Variants in IL1RAPL1 observed in about 807,000 individuals in gnomAD.
IL1RAPL1 encodes interleukin-1 receptor accessory protein-like 1.
A neutral mutation model predicts 48.4 loss-of-function variants in IL1RAPL1; 3 were observed. That is an observed-to-expected ratio of 0.06 (90% CI 0.03 to 0.16). The LOEUF (loss-of-function observed/expected upper bound fraction) is 0.16. Ranked by LOEUF, IL1RAPL1 falls within the 10% of genes least tolerant of loss-of-function variation. IL1RAPL1 has a pLI of 1.00. For missense variants in IL1RAPL1, 349 were observed against 530.6 expected, an observed-to-expected ratio of 0.66 and a Z score of 3.36; for synonymous variants, 185 against 187.7, an observed-to-expected ratio of 0.99 and a Z score of 0.12.
chrX:29,461,234 A>G (rs1245292717), intron 5 of IL1RAPL1, among the ~76,000 whole-genome samples: 7 of 111,803 alleles, frequency 6.3e-5, no homozygotes, highest in Non-Finnish European at 1.3e-4. Context: ...TAGAAATACC[A>G]CATTGCACCC....
At chrX:29,363,663 G>A in intron 3 of IL1RAPL1, among the ~76,000 whole-genome samples, 1 of 111,333 alleles carries the variant, frequency 9.0e-6, no homozygotes, top group South Asian at 3.9e-4. Context: ...TGCATCTCGG[G>A]AGGCCTCAGG....
At chrX:28,880,095 T>C (rs1304879476) in intron 2 of IL1RAPL1, among the ~76,000 whole-genome samples, 1 of 112,582 alleles carries the variant, frequency 8.9e-6, no homozygotes, top group Non-Finnish European at 1.9e-5. Flanking sequence ...AATTATTCAA[T>C]TCATATATGA....
chrX:29,833,272 T>C (rs1328745337), intron 6 of IL1RAPL1, among the ~76,000 whole-genome samples: 1 of 111,929 alleles, frequency 8.9e-6, no homozygotes, highest in Non-Finnish European at 1.9e-5. Context: ...AGATGATAGA[T>C]GGGTAGATAG....
At chrX:29,213,123 C>G (rs1458756347) in intron 2 of IL1RAPL1, among the ~76,000 whole-genome samples, 4 of 111,561 alleles carry the variant, frequency 3.6e-5, no homozygotes, top group Non-Finnish European at 7.5e-5. Context: ...CTCAGCCTCC[C>G]GAGTAGCTGG....
At chrX:29,822,686 G>A (rs144575039) in intron 6 of IL1RAPL1, among the ~76,000 whole-genome samples, 2 of 111,562 alleles carry the variant, frequency 1.8e-5, no homozygotes, top group African/African-American at 6.5e-5. Flanking sequence ...ACAGTGAGAA[G>A]GCAAGGATTG....
intron 5 of IL1RAPL1, among the ~76,000 whole-genome samples, chrX:29,603,060 G>A (rs1372087603): frequency 9.0e-6 from 1 of 111,371 alleles, no homozygotes; most frequent in East Asian, 2.8e-4. Flanking sequence ...GAGGTCAGGA[G>A]TTCGAGACCA....
chrX:29,767,678 G>A (rs1041595658), intron 6 of IL1RAPL1, among the ~76,000 whole-genome samples: 3 of 111,854 alleles, frequency 2.7e-5, no homozygotes, highest in African/African-American at 9.7e-5. Context: ...GTTGATGTTA[G>A]AAATAATCAT....
intron 3 of IL1RAPL1, among the ~76,000 whole-genome samples, chrX:29,371,331 A>G (rs1210924535): frequency 9.1e-6 from 1 of 109,810 alleles, no homozygotes; most frequent in East Asian, 2.9e-4. Flanking sequence ...GGGATTTCAC[A>G]ATGATGGCCA....
At chrX:29,468,700 G>T (rs1257293324) in intron 5 of IL1RAPL1, among the ~76,000 whole-genome samples, 1 of 111,907 alleles carries the variant, frequency 8.9e-6, no homozygotes, top group Non-Finnish European at 1.9e-5. Context: ...AAAAAATCAA[G>T]ATTAATAATA....
chrX:29,850,153 A>G (rs1272786282), intron 6 of IL1RAPL1, among the ~76,000 whole-genome samples: 2 of 112,300 alleles, frequency 1.8e-5, no homozygotes, highest in Non-Finnish European at 3.8e-5. Flanking sequence ...TTCTTCAAAT[A>G]AGGTCATCAC....
intron 6 of IL1RAPL1, among the ~76,000 whole-genome samples, chrX:29,834,830 T>C (rs1014336452): frequency 8.9e-6 from 1 of 112,089 alleles, no homozygotes; most frequent in Admixed American, 9.5e-5. Context: ...CTTTTCATTT[T>C]ATATGCTGGG....
At chrX:28,931,707 C>T (rs1923884365) in intron 2 of IL1RAPL1, among the ~76,000 whole-genome samples, 1 of 111,147 alleles carries the variant, frequency 9.0e-6, no homozygotes, top group Non-Finnish European at 1.9e-5. Flanking sequence ...AAATAATAGC[C>T]ATGCAAACTT....
intron 2 of IL1RAPL1, among the ~76,000 whole-genome samples, chrX:29,158,840 A>G (rs1201688257): frequency 9.1e-6 from 1 of 110,200 alleles, no homozygotes; most frequent in Non-Finnish European, 1.9e-5. Flanking sequence ...ATAGCAGAGA[A>G]TGAGTAGCAC....
At chrX:29,527,098 A>G (rs1225646337) in intron 5 of IL1RAPL1, among the ~76,000 whole-genome samples, 1 of 111,031 alleles carries the variant, frequency 9.0e-6, no homozygotes, top group African/African-American at 3.3e-5. Flanking sequence ...AACCAAATAC[A>G]TATAGAATTG....
At chrX:29,739,954 G>A (rs763766081) in intron 6 of IL1RAPL1, among the ~76,000 whole-genome samples, 55 of 108,568 alleles carry the variant, frequency 5.1e-4, no homozygotes, top group African/African-American at 1.8e-3. Context: ...CAGCTACTAG[G>A]GAGGCTGAGG....
chrX:28,761,011 G>T (rs752609831), intron 1 of IL1RAPL1, among the ~76,000 whole-genome samples: 19 of 108,243 alleles, frequency 1.8e-4, no homozygotes, highest in Non-Finnish European at 2.7e-4. Context: ...GCTTGAACCT[G>T]GGGGGGCAGA....
At chrX:29,252,380 CT>C (rs1931662441) in intron 2 of IL1RAPL1, among the ~76,000 whole-genome samples, 1 of 113,771 alleles carries the variant, frequency 8.8e-6, no homozygotes, top group South Asian at 3.4e-4. Context: ...CTAGATTTCT[CT>C]ATCAGTTTCC....
chrX:28,835,482 G>T (rs1921180703), intron 2 of IL1RAPL1, among the ~76,000 whole-genome samples: 1 of 111,009 alleles, frequency 9.0e-6, no homozygotes, highest in South Asian at 3.8e-4. Context: ...CCAAAATCCA[G>T]CACAGTGGGG....
intron 6 of IL1RAPL1, among the ~76,000 whole-genome samples, chrX:29,680,070 G>A (rs1443051429): frequency 9.0e-6 from 1 of 111,234 alleles, no homozygotes; most frequent in Non-Finnish European, 1.9e-5. Context: ...TTTTTTTGAG[G>A]GGTCAACTTC....
Sources: gnomAD v4.1 joint callset for allele counts (sites outside exome capture counted in the v4.1 genomes callset) on GRCh38, gnomAD v4.1.1 for gene constraint, MANE v1.5 for transcripts, NCBI Gene and HGNC (gene_info 2026-07-23, HGNC 2026-07-21) for gene names.